TMEM131L: variants seen among roughly 807,000 people sequenced by gnomAD.
The protein encoded by TMEM131L is transmembrane 131 like, also known as transmembrane protein 131-like.
A neutral mutation model predicts 192.2 loss-of-function variants in TMEM131L; 54 were observed. That is an observed-to-expected ratio of 0.28 (90% confidence interval 0.23 to 0.35). The LOEUF is 0.35. Among genes scored for constraint, TMEM131L ranks in the 10% least tolerant of loss-of-function variants. The pLI is 1.00. For synonymous variants in TMEM131L, 701 were observed against 704.9 expected, an observed-to-expected ratio of 0.99 and a Z score of 0.09; for missense variants, 1,888 against 1,972.9, an observed-to-expected ratio of 0.96 and a Z score of 0.82.
chr4:153,626,602 C>T (rs920274251), intron 30 of TMEM131L, among the ~76,000 whole-genome samples: 4 of 152,266 alleles, frequency 2.6e-5, no homozygotes, highest in South Asian at 4.1e-4. Flanking sequence ...AAAAGAATTT[C>T]GTTTTTTCTT....
At chr4:153,549,800 G>C (rs563948532) in intron 3 of TMEM131L, among the ~76,000 whole-genome samples, 1 of 152,136 alleles carries the variant, frequency 6.6e-6, no homozygotes, top group Non-Finnish European at 1.5e-5. Flanking sequence ...AGAAATGAAG[G>C]CTATTACAAA....
At chr4:153,510,188 A>G (rs1734260306) in intron 3 of TMEM131L, among the ~76,000 whole-genome samples, 1 of 152,088 alleles carries the variant, frequency 6.6e-6, no homozygotes, top group African/African-American at 2.4e-5. Context: ...TATCATCTCC[A>G]TCTGCCCCAG....
At chr4:153,467,994 A>G (rs1483570369) in intron 2 of TMEM131L, among the ~76,000 whole-genome samples, 1 of 152,232 alleles carries the variant, frequency 6.6e-6, no homozygotes, top group Non-Finnish European at 1.5e-5. Flanking sequence ...TTTCACCAGT[A>G]ACGGTAGTGA....
chr4:153,629,677 G>A (rs2083291), intron 31 of TMEM131L, among the ~76,000 whole-genome samples: 2 of 148,150 alleles, frequency 1.3e-5, no homozygotes, highest in African/African-American at 2.4e-5. Flanking sequence ...CCGTGCTGTC[G>A]GGGTCCCTGG....
chr4:153,551,586 C>T (rs920997188), intron 4 of TMEM131L, among the ~76,000 whole-genome samples: 1 of 152,014 alleles, frequency 6.6e-6, no homozygotes, highest in African/African-American at 2.4e-5. Context: ...AAACTCCTGA[C>T]CTCAAGTGAT....
chr4:153,627,905 C>T (rs1413004317), intron 31 of TMEM131L, among the ~76,000 whole-genome samples: 1 of 152,170 alleles, frequency 6.6e-6, no homozygotes, highest in Admixed American at 6.5e-5. Context: ...AATAGTGAGC[C>T]CCCTCCCTAC....
intron 7 of TMEM131L, among the ~76,000 whole-genome samples, chr4:153,560,590 A>G (rs1156885616): frequency 6.6e-6 from 1 of 152,238 alleles, no homozygotes; most frequent in African/African-American, 2.4e-5. Flanking sequence ...GTCTAATTTT[A>G]GAACATTTTC....
At chr4:153,612,862 G>C (rs774495937) in intron 26 of TMEM131L, among the ~76,000 whole-genome samples, 21 of 152,124 alleles carry the variant, frequency 1.4e-4, no homozygotes, top group Admixed American at 7.2e-4. Context: ...AACTAACTTT[G>C]CAGATCAAAA....
At position 153,581,551 on chromosome 4, in the gene TMEM131L, G is replaced by C. The variant is rs1319405891; in HGVS notation, c.883G>C (p.Glu295Gln). 1.7e-5 allele frequency: 26 copies of C among 1,553,350 alleles called. No homozygotes were observed. The highest frequency in any genetic ancestry group is 2.2e-5 in the Non-Finnish European group (25 of 1,147,040). Residue 295 changes from glutamate (E) to glutamine (Q), a missense_variant, in exon 9 of 35, where the codon GAG becomes CAG. Physicochemically the swap from Glu to Gln is conservative, Grantham distance 29. Coordinates refer to ENST00000409959, the MANE Select transcript of TMEM131L (RefSeq NM_001131007.2). ...SIVYVATDESETSDDSAVNMY... is the reference protein window; with the variant it reads ...SIVYVATDESQTSDDSAVNMY... ...TGTTTACGTAGCTACAGATGAATCT[G>C]AGACCTCAGGTAAGGTGGAATGTTT...
intron 26 of TMEM131L, among the ~76,000 whole-genome samples, chr4:153,615,034 T>G (rs1732879101): frequency 6.6e-6 from 1 of 152,236 alleles, no homozygotes; most frequent in Non-Finnish European, 1.5e-5. Context: ...AAAGCAATGC[T>G]GTTATCACGT....
chr4:153,466,490 C>G lies in TMEM131L; in HGVS notation c.93C>G (p.Pro31=). 1 of 1,411,562 alleles carries G rather than the reference C, an allele frequency of 7.1e-7. No homozygotes were observed. The highest frequency in any genetic ancestry group is 9.3e-7 in the Non-Finnish European group (1 of 1,073,648). 87.4% of individuals were successfully genotyped at this position (1,411,562 alleles called of 1,614,324 possible). A position where few individuals can be genotyped will look rare whatever the true frequency, so the allele number is the denominator to read the frequency against. ...TGGGCGTCTTCCAGGTCCTGCTGCC[C>G]TGCTGTCGCCCGGGAGGGGCTCAGG... The part of the protein sequence containing the change: ...LLLGVFQVLL[P]CCRPGGAQGQ... The change falls in exon 1 of 35, where the codon CCC becomes CCG. Residue 31 remains proline (P), a synonymous_variant. Transcript: ENST00000409959.
At chr4:153,613,101 G>A (rs1338613181) in intron 26 of TMEM131L, among the ~76,000 whole-genome samples, 1 of 152,160 alleles carries the variant, frequency 6.6e-6, no homozygotes, top group East Asian at 1.9e-4. Flanking sequence ...ATCCAGCCAA[G>A]TTAATACTCA....
chr4:153,567,570 CTT>C (rs1027617695), intron 7 of TMEM131L, among the ~76,000 whole-genome samples: 1 of 146,136 alleles, frequency 6.8e-6, no homozygotes, highest in African/African-American at 2.5e-5. Context: ...TTGAGACAGA[CTT>C]TGGCTCTTGT....
intron 4 of TMEM131L, among the ~76,000 whole-genome samples, chr4:153,553,152 G>A (rs59900824): frequency 0.02 from 3,049 of 152,136 alleles, 118 homozygotes; most frequent in African/African-American, 0.07. Context: ...ACTTAGTTAC[G>A]TTTATATAAT....
At chr4:153,470,288 A>G (rs10028187) in intron 2 of TMEM131L, among the ~76,000 whole-genome samples, 47,214 of 151,980 alleles carry the variant, frequency 0.31, 7,412 homozygotes, top group South Asian at 0.41. Context: ...GTGAGCACCT[A>G]CTGTAGCTTA....
chr4:153,633,495 T>C (rs1734365904), intron 32 of TMEM131L: 2 of 152,024 alleles, frequency 1.3e-5, no homozygotes, highest in Non-Finnish European at 2.9e-5. Context: ...TCCCGAAGTG[T>C]TGGTATTATA....
intron 3 of TMEM131L, among the ~76,000 whole-genome samples, chr4:153,514,616 A>T (rs1444565257): frequency 6.6e-6 from 1 of 152,212 alleles, no homozygotes; most frequent in Admixed American, 6.5e-5. Flanking sequence ...TATCATTAGT[A>T]GCCCCATTTT....
intron 3 of TMEM131L, among the ~76,000 whole-genome samples, chr4:153,479,208 G>A (rs1029559382): frequency 2.6e-5 from 4 of 152,166 alleles, no homozygotes; most frequent in Non-Finnish European, 5.9e-5. Context: ...AAGCTTTCAG[G>A]GTAATTGGCC....
rs528388526 is a variant in TMEM131L, at chr4:153,534,208, A to C, written c.240-15865A>C. Among the ~76,000 whole-genome samples, 47 of 152,356 alleles carry C rather than the reference A, an allele frequency of 3.1e-4. 1 individual carries two copies. In the South Asian group the frequency reaches 9.1e-3, roughly 30 times the overall value. On this transcript the variant is annotated intron_variant, in intron 3 of 34. Coordinates refer to ENST00000409959, the MANE Select transcript of TMEM131L (RefSeq NM_001131007.2). ...ACAAAACAGCAAACCAAATAGACCA[A>C]AATCTAGTGGACCTTGCAGTCTAAT...
Sources: allele counts gnomAD v4.1 joint callset (sites outside exome capture counted in the v4.1 genomes callset), GRCh38; gene constraint gnomAD v4.1.1; transcripts MANE v1.5; gene names NCBI Gene and HGNC (gene_info 2026-07-23, HGNC 2026-07-21).